The following ADD2 variants were observed in gnomAD, a reference collection of about 807,000 sequenced individuals.
ADD2 encodes adducin 2.
Under a neutral mutation model 83.0 loss-of-function variants are expected in ADD2, and 23 were observed. The ratio of observed to expected loss-of-function variants is 0.28; its 90% CI spans 0.20 to 0.39. ADD2 has a LOEUF of 0.39. Among genes scored for constraint, ADD2 ranks in the 10% least tolerant of loss-of-function variants. ADD2 has a pLI of 1.00. For missense variants in ADD2, 758 were observed against 944.9 expected (o/e 0.80, Z 2.59); for synonymous variants, 375 against 375.4 (o/e 1.00, Z 0.01).
chr2:70,704,262 TTCCCC>T, intron 4 of ADD2, 54 bp downstream of exon 4: 1 of 1,085,862 alleles, frequency 9.2e-7, no homozygotes, highest in Non-Finnish European at 1.4e-6. Context: ...CCTCCCTCTC[TTCCCC>T]ACCCCACCCT....
intron 1 of ADD2, among the ~76,000 whole-genome samples, chr2:70,747,495 G>A (rs115328012): frequency 1.0e-3 from 145 of 144,118 alleles, no homozygotes; most frequent in South Asian, 9.9e-3. Context: ...TCCATCATGC[G>A]TGTGCTCTCC....
At chr2:70,741,878 C>T (rs531683223) in intron 1 of ADD2, among the ~76,000 whole-genome samples, 1 of 152,310 alleles carries the variant, frequency 6.6e-6, no homozygotes, top group South Asian at 2.1e-4. Context: ...GTCACAATAC[C>T]AGCTCCTCCC....
chr2:70,703,087 T>C (rs116347863), intron 4 of ADD2, among the ~76,000 whole-genome samples: 2,859 of 149,770 alleles, frequency 0.019, 98 homozygotes, highest in African/African-American at 0.067. Context: ...ACCACTACAC[T>C]CTAGCCTGGG....
At position 70,675,655 on chromosome 2, in the gene ADD2, A is replaced by G; in HGVS notation, c.1594-830T>C. On this transcript the variant is annotated intron_variant, in intron 13 of 15. Transcript: ENST00000264436. ...CTGAGGAGCAAAGAGAGTGAAGCCAAAGGGAGGTGAGCCTGGAGGCTGCCA... is the reference window on the plus strand; with the variant it reads ...CTGAGGAGCAAAGAGAGTGAAGCCAGAGGGAGGTGAGCCTGGAGGCTGCCA... 3.0e-6 allele frequency: 3 copies of G among 985,400 alleles called. No homozygotes were observed. In the South Asian group the frequency reaches 1.4e-4, roughly 46 times the overall value. The allele number at this position is 985,400 out of a possible 1,614,324, so 61.0% of individuals were successfully genotyped here. A position where few individuals can be genotyped will look rare whatever the true frequency, so the allele number is the denominator to read the frequency against.
chr2:70,702,584 A>G (rs945034910), intron 4 of ADD2, among the ~76,000 whole-genome samples: 6 of 152,326 alleles, frequency 3.9e-5, no homozygotes, highest in Non-Finnish European at 8.8e-5. Flanking sequence ...CTAAGCATGC[A>G]ATCAAAAGCA....
intron 14 of ADD2, among the ~76,000 whole-genome samples, chr2:70,674,173 T>C (rs573403113): frequency 6.6e-6 from 1 of 152,172 alleles, no homozygotes; most frequent in South Asian, 2.1e-4. Context: ...AGGGGAACCA[T>C]GCCAGGAAGA....
At chr2:70,698,977 T>C (rs1366493525) in intron 4 of ADD2, among the ~76,000 whole-genome samples, 1 of 152,060 alleles carries the variant, frequency 6.6e-6, no homozygotes, top group East Asian at 1.9e-4. Context: ...TCTTGGTACT[T>C]GAAACTTCCC....
chr2:70,758,011 A>G lies in ADD2; in HGVS notation c.-154+9875T>C, dbSNP rs143665447. ...CGACCCTTTCAAAATTCCACAGAAA[A>G]TTACCGAAGGAACGTAAAAATAGGA... On this transcript the variant is annotated intron_variant, in intron 1 of 15. Transcript: ENST00000264436. 7.9e-3 allele frequency among the ~76,000 whole-genome samples: 1,196 copies of G among 152,356 alleles called. 11 individuals are homozygous for G. The highest frequency in any genetic ancestry group is 0.027 in the African/African-American group (1,133 of 41,586).
At chr2:70,726,700 A>T (rs1673018628) in intron 1 of ADD2, among the ~76,000 whole-genome samples, 1 of 152,234 alleles carries the variant, frequency 6.6e-6, no homozygotes, top group African/African-American at 2.4e-5. Context: ...AAAAGACAAG[A>T]GTTCACCTCT....
intron 2 of ADD2, among the ~76,000 whole-genome samples, chr2:70,708,571 AC>A (rs1672020445): frequency 6.6e-6 from 1 of 152,050 alleles, no homozygotes. Context: ...ATGGCACAAA[AC>A]CTCACATAAT....
Position 70,706,555 on chromosome 2 carries a change from C to T in ADD2, c.-34-113G>A, listed in dbSNP as rs1671917053. ...GATTCTCAGTGGGGTACGGCTGTTC[C>T]TAGGATGGTAGAGGCAGAGCCTGGG... On this transcript the variant is annotated intron_variant, in intron 2 of 15. Coordinates refer to ENST00000264436, the MANE Select transcript of ADD2 (RefSeq NM_001617.4). This position sits in a 1 kb window ranked among gnomAD's most constrained non-coding sequence, Gnocchi z 5.0. The T allele has an allele frequency of 2.0e-6, 2 of 1,006,040 alleles. No individual in the cohort carries two copies. The highest frequency in any genetic ancestry group is 2.6e-5 in the East Asian group (1 of 37,990). The allele number at this position is 1,006,040 out of a possible 1,614,324, so 62.3% of individuals were successfully genotyped here. A position where few individuals can be genotyped will look rare whatever the true frequency, so the allele number is the denominator to read the frequency against.
intron 1 of ADD2, among the ~76,000 whole-genome samples, chr2:70,762,867 A>AT (rs1675192517): frequency 3.3e-5 from 5 of 151,328 alleles, no homozygotes; most frequent in African/African-American, 4.9e-5. Context: ...CACCACACCC[A>AT]GCTAATTTTT....
chr2:70,691,593 TA>T (rs1467721160), intron 7 of ADD2: 3 of 151,614 alleles, frequency 2.0e-5, no homozygotes, highest in East Asian at 1.9e-4. Flanking sequence ...ATAATTTATT[TA>T]TTTTTTTTTT....
intron 1 of ADD2, among the ~76,000 whole-genome samples, chr2:70,765,524 C>T (rs1553385855): frequency 2.0e-5 from 3 of 152,132 alleles, no homozygotes; most frequent in South Asian, 2.1e-4. Flanking sequence ...TGTCTTTAAG[C>T]GCCCATTAGA....
At chr2:70,756,071 GAAA>G (rs10549289) in intron 1 of ADD2, among the ~76,000 whole-genome samples, 34,041 of 117,460 alleles carry the variant, frequency 0.29, 4,996 homozygotes, top group African/African-American at 0.45. Context: ...GCAAAAAAAA[GAAA>G]AAAAAAAAAA....
chr2:70,668,701 G>T (rs1669780730), intron 15 of ADD2, among the ~76,000 whole-genome samples: 1 of 152,194 alleles, frequency 6.6e-6, no homozygotes, highest in South Asian at 2.1e-4. Flanking sequence ...GTGCACTGGG[G>T]TAAAGACATG....
rs1675434502 is a variant in ADD2 at position 70,658,535 on chromosome 2, C to T, written c.*4890G>A. 6.6e-6 allele frequency: 1 copy of T among 152,182 alleles called. No individual in the cohort carries two copies. Among genetic ancestry groups the T allele is most frequent in the African/African-American group, 2.4e-5 (1 of 41,424 alleles). 9.4% of individuals were successfully genotyped at this position (152,182 alleles called of 1,614,324 possible). ...AGATGTGAAACAGATGATAGGCTGCCTCACTGGCTTTTAGATTGTAGGGTG... is the reference window on the plus strand; with the variant it reads ...AGATGTGAAACAGATGATAGGCTGCTTCACTGGCTTTTAGATTGTAGGGTG... On this transcript the variant is annotated 3_prime_UTR_variant, in exon 16 of 16. Transcript: ENST00000264436.
intron 1 of ADD2, among the ~76,000 whole-genome samples, chr2:70,729,480 C>T (rs1553378917): frequency 6.6e-6 from 1 of 152,080 alleles, no homozygotes; most frequent in Non-Finnish European, 1.5e-5. Context: ...AAACATAGCC[C>T]AACCTCTTCC....
chr2:70,704,852 C>G (rs1671804938), intron 3 of ADD2, among the ~76,000 whole-genome samples: 1 of 152,168 alleles, frequency 6.6e-6, no homozygotes, highest in African/African-American at 2.4e-5. Context: ...GCCTGTGATT[C>G]TTTCGGGCTT....
Sources: allele counts gnomAD v4.1 joint callset (sites outside exome capture counted in the v4.1 genomes callset), GRCh38; gene constraint gnomAD v4.1.1; non-coding constraint Gnocchi (gnomAD v3.1); transcripts MANE v1.5; gene names NCBI Gene and HGNC (gene_info 2026-07-23, HGNC 2026-07-21).